Variants in CSMD1 observed in about 807,000 individuals in gnomAD.
CSMD1 encodes CUB and sushi domain-containing protein 1.
CSMD1 carries 213 observed loss-of-function variants against 417.5 expected under a neutral mutation model. That is an observed-to-expected ratio of 0.51 (90% CI 0.46 to 0.57). The LOEUF (loss-of-function observed/expected upper bound fraction) is 0.57, where lower values mean the gene tolerates loss of function less well. CSMD1 is among the 20% of genes least tolerant of loss of function. The pLI is 0.00. For synonymous variants in CSMD1, 2,862 were observed against 1,736.8 expected, an observed-to-expected ratio of 1.65 and a Z score of -16.11; for missense variants, 6,923 against 4,529.7, an observed-to-expected ratio of 1.53 and a Z score of -15.17.
rs569662003 is a variant in CSMD1, at chr8:4,968,428, A to G, written c.85+25904T>C. Among the ~76,000 whole-genome samples the G allele has an allele frequency of 7.1e-4, 108 of 152,262 alleles. 4 individuals carry two copies. The South Asian group carries it at 0.022, about 31-fold the overall frequency. The stretch of plus-strand genomic sequence containing the variant: ...AAAAAATAACACCCAAGCCCCTGGT[A>G]ACCACTATTGAAATAGAGCCATTTA... On this transcript the variant is annotated intron_variant, in intron 1 of 69. Coordinates refer to ENST00000635120, the MANE Select transcript of CSMD1 (RefSeq NM_033225.6).
intron 3 of CSMD1, among the ~76,000 whole-genome samples, chr8:4,153,590 G>A (rs757565969): frequency 2.6e-5 from 4 of 152,162 alleles, no homozygotes; most frequent in Admixed American, 1.3e-4. Context: ...TCCGTCACAG[G>A]GTGCCCTGAG....
intron 41 of CSMD1, among the ~76,000 whole-genome samples, chr8:3,136,684 T>C (rs548130070): frequency 6.6e-6 from 1 of 152,242 alleles, no homozygotes; most frequent in African/African-American, 2.4e-5. Flanking sequence ...TCAGAGCTGT[T>C]TGCACACATG....
chr8:3,513,192 GA>G lies in CSMD1; in HGVS notation c.1345-19467del, dbSNP rs199550832. Among the ~76,000 whole-genome samples the G allele has an allele frequency of 9.2e-4, 139 of 151,818 alleles. 1 individual carries two copies. The East Asian group carries it at 0.023, about 25-fold the overall frequency. On this transcript the variant is annotated intron_variant, in intron 10 of 69. Transcript: ENST00000635120. ...TAGACTTTACTCTGGCAAACTTTGG[GA>G]AAAAAATAGTTACATACTAATCCTC...
chr8:3,519,200 T>A (rs1161908823), intron 10 of CSMD1, among the ~76,000 whole-genome samples: 1 of 152,238 alleles, frequency 6.6e-6, no homozygotes, highest in Non-Finnish European at 1.5e-5. Context: ...TAATTATCAC[T>A]GAAGGGCAAA....
chr8:3,291,839 C>T (rs144718550), intron 25 of CSMD1, among the ~76,000 whole-genome samples: 185 of 151,884 alleles, frequency 1.2e-3, no homozygotes, highest in South Asian at 2.5e-3. Flanking sequence ...AGTTCTGCTC[C>T]GATCTTAGTT....
At chr8:3,351,962 C>G (rs1808454960) in intron 21 of CSMD1, among the ~76,000 whole-genome samples, 1 of 152,092 alleles carries the variant, frequency 6.6e-6, no homozygotes, top group Non-Finnish European at 1.5e-5. Context: ...TACCATCCTA[C>G]TGAACATAGG....
At chr8:4,312,137 T>C (rs1798618874) in intron 3 of CSMD1, among the ~76,000 whole-genome samples, 1 of 151,892 alleles carries the variant, frequency 6.6e-6, no homozygotes, top group Admixed American at 6.6e-5. Flanking sequence ...AATCAAAATA[T>C]ATTATCTTTA....
chr8:3,029,394 A>G lies in CSMD1; in HGVS notation c.7780T>C (p.Leu2594=). Residue 2594 remains leucine, a synonymous_variant, in exon 51 of 70, where the codon TTA becomes CTA. Transcript: ENST00000635120. ...VLLSCSPGYY[L]EGWRLLRCQA... is the part of the protein sequence containing the mutation. The stretch of plus-strand genomic sequence containing the variant: ...CACCGCAGGAGCCTCCAGCCTTCTA[A>G]GTAGTAACCAGGACTGCAGCTCAGC... 1 of 1,611,926 alleles carries G rather than the reference A, an allele frequency of 6.2e-7. No individual in the cohort carries two copies. The highest frequency in any genetic ancestry group is 8.5e-7 in the Non-Finnish European group (1 of 1,179,500).
chr8:3,621,709 A>T (rs1796249377), intron 7 of CSMD1, among the ~76,000 whole-genome samples: 1 of 151,868 alleles, frequency 6.6e-6, no homozygotes, highest in Admixed American at 6.6e-5. Flanking sequence ...CCTCCCAAAT[A>T]GCTGCAACTA....
chr8:3,328,376 CT>C lies in CSMD1; in HGVS notation c.3631+14917del, dbSNP rs1177107145. ...CTCAATATCATCTGACCCTAAGTGA[CT>C]TTTACAGTTTATCCACCTATCAGAA... is the stretch of plus-strand genomic sequence containing the variant. On this transcript the variant is annotated intron_variant, in intron 23 of 69. Coordinates refer to ENST00000635120, the MANE Select transcript of CSMD1 (RefSeq NM_033225.6). 2.0e-5 allele frequency among the ~76,000 whole-genome samples: 3 copies of C among 152,220 alleles called. No homozygotes were observed. In the East Asian group the frequency reaches 5.8e-4, roughly 29 times the overall value.
At position 3,144,858 on chromosome 8, in the gene CSMD1, T is replaced by A. The variant is rs1286180465; in HGVS notation, c.6032-2184A>T. ...GGGAGGGGGTCCAGGGGCTCCTGTG[T>A]CCCTTGGTTTGGAGCTGTCTCCTCT... On this transcript the variant is annotated intron_variant, in intron 40 of 69. Transcript: ENST00000635120. Among the ~76,000 whole-genome samples the A allele has an allele frequency of 2.7e-5, 4 of 148,968 alleles. No individual in the cohort carries two copies. The South Asian group carries it at 8.7e-4, about 32-fold the overall frequency.
intron 2 of CSMD1, among the ~76,000 whole-genome samples, chr8:4,564,562 A>T (rs923621408): frequency 6.6e-6 from 1 of 152,214 alleles, no homozygotes; most frequent in Non-Finnish European, 1.5e-5. Context: ...TTTTATAAGC[A>T]TAAATACTGA....
chr8:3,562,714 G>A (rs1799521866), intron 10 of CSMD1, among the ~76,000 whole-genome samples: 1 of 151,772 alleles, frequency 6.6e-6, no homozygotes, highest in African/African-American at 2.4e-5. Context: ...ATCACAAAGA[G>A]TTACATGTTA....
intron 10 of CSMD1, among the ~76,000 whole-genome samples, chr8:3,559,442 G>T (rs1322789652): frequency 2.0e-5 from 3 of 152,174 alleles, no homozygotes; most frequent in African/African-American, 7.2e-5. Context: ...TTGTAACGTT[G>T]CCAAGCAACC....
At chr8:3,285,751 C>T (rs1803102669) in intron 25 of CSMD1, among the ~76,000 whole-genome samples, 1 of 151,772 alleles carries the variant, frequency 6.6e-6, no homozygotes, top group African/African-American at 2.4e-5. Flanking sequence ...TTTTTGCCTC[C>T]ACTCCACCAA....
intron 2 of CSMD1, among the ~76,000 whole-genome samples, chr8:4,616,401 C>G (rs1801477815): frequency 6.6e-6 from 1 of 152,106 alleles, no homozygotes; most frequent in Non-Finnish European, 1.5e-5. Context: ...TCGTGGCCTC[C>G]AATATTTGGT....
chr8:3,029,549 T>A lies in CSMD1; in HGVS notation c.7661-36A>T, dbSNP rs1810194829. 6 of 1,540,198 alleles carry A rather than the reference T, an allele frequency of 3.9e-6. No homozygotes were observed. In the East Asian group the frequency reaches 1.4e-4, roughly 37 times the overall value. Reference sequence around the variant, plus strand: ...AACGTACATCACATCATCATTTTTCTTTTTTGGAAAACATCAGACCGTGCT... The same window carrying A: ...AACGTACATCACATCATCATTTTTCATTTTTGGAAAACATCAGACCGTGCT... On this transcript the variant is annotated intron_variant, in intron 50 of 69. Transcript: ENST00000635120.
chr8:4,440,454 C>A (rs573585381), intron 2 of CSMD1, among the ~76,000 whole-genome samples: 1 of 152,264 alleles, frequency 6.6e-6, no homozygotes, highest in South Asian at 2.1e-4. Context: ...CATTGTTCAT[C>A]TTGTTACTCA....
In CSMD1 at chr8:2,938,473, G is replaced by T; in HGVS notation, c.*112C>A. On this transcript the variant is annotated 3_prime_UTR_variant, in exon 70 of 70. Transcript: ENST00000635120. ...ACTTATGCCAGTAGACAAGGTTGAAGATCGCTGCAGTAAAGCCAGAGTGGA... is the reference window on the plus strand; with the variant it reads ...ACTTATGCCAGTAGACAAGGTTGAATATCGCTGCAGTAAAGCCAGAGTGGA... The T allele has an allele frequency of 2.9e-6, 3 of 1,030,126 alleles. No individual in the cohort carries two copies. Among genetic ancestry groups the T allele is most frequent in the Non-Finnish European group, 4.2e-6 (3 of 713,940 alleles). 63.8% of individuals were successfully genotyped at this position (1,030,126 alleles called of 1,614,324 possible). A position where few individuals can be genotyped will look rare whatever the true frequency, so the allele number is the denominator to read the frequency against.
Sources: gnomAD v4.1 joint callset for allele counts (sites outside exome capture counted in the v4.1 genomes callset) on GRCh38, gnomAD v4.1.1 for gene constraint, MANE v1.5 for transcripts, NCBI Gene and HGNC (gene_info 2026-07-23, HGNC 2026-07-21) for gene names.